Variants in LMX1A observed in about 807,000 individuals in gnomAD.
LMX1A encodes LIM homeobox transcription factor 1 alpha, also known as LIM homeobox transcription factor 1-alpha.
LMX1A carries 15 observed loss-of-function variants against 49.1 expected under a neutral mutation model. The observed-to-expected ratio is 0.31, with a 90% CI of 0.20 to 0.47. The LOEUF (loss-of-function observed/expected upper bound fraction) is 0.47, where lower values mean the gene tolerates loss of function less well. Among genes scored for constraint, LMX1A ranks in the 20% least tolerant of loss-of-function variants. The pLI is 1.00. For missense variants in LMX1A, 372 were observed against 475.8 expected, an observed-to-expected ratio of 0.78 and a Z score of 2.03; for synonymous variants, 167 against 185.7, an observed-to-expected ratio of 0.90 and a Z score of 0.82.
chr1:165,305,159 C>T (rs1035933504), intron 3 of LMX1A, among the ~76,000 whole-genome samples: 2 of 152,152 alleles, frequency 1.3e-5, no homozygotes, highest in African/African-American at 4.8e-5. Flanking sequence ...AAAGGAAACA[C>T]AGAAAGGAAG....
intron 3 of LMX1A, among the ~76,000 whole-genome samples, chr1:165,294,493 G>A (rs1026501731): frequency 2.0e-5 from 3 of 152,160 alleles, no homozygotes; most frequent in Non-Finnish European, 4.4e-5. Context: ...AGCCCCTCTG[G>A]GATGACAATC....
At chr1:165,240,856 C>T (rs1652625898) in intron 4 of LMX1A, among the ~76,000 whole-genome samples, 1 of 152,202 alleles carries the variant, frequency 6.6e-6, no homozygotes, top group African/African-American at 2.4e-5. Flanking sequence ...CAGAGAGCTC[C>T]ATCCCCAGGA....
chr1:165,239,155 C>T (rs1031273981), intron 4 of LMX1A, among the ~76,000 whole-genome samples: 1 of 152,178 alleles, frequency 6.6e-6, no homozygotes, highest in African/African-American at 2.4e-5. Context: ...ACACAGATAA[C>T]ACACTATTGC....
intron 3 of LMX1A, among the ~76,000 whole-genome samples, chr1:165,337,846 C>T (rs554161911): frequency 6.6e-5 from 9 of 137,116 alleles, no homozygotes; most frequent in African/African-American, 2.4e-4. Flanking sequence ...CTCAATTATG[C>T]TAGTGGACAG....
At chr1:165,208,772 G>A (rs1171680000) in intron 6 of LMX1A, among the ~76,000 whole-genome samples, 2 of 151,984 alleles carry the variant, frequency 1.3e-5, no homozygotes, top group South Asian at 2.1e-4. Flanking sequence ...TCAGCCTCCC[G>A]AGTAGGTGGG....
intron 3 of LMX1A, among the ~76,000 whole-genome samples, chr1:165,276,442 T>C (rs1434332731): frequency 6.6e-6 from 1 of 152,156 alleles, no homozygotes; most frequent in African/African-American, 2.4e-5. Flanking sequence ...TAGCTGTAAG[T>C]CCCAGAAAGA....
intron 3 of LMX1A, among the ~76,000 whole-genome samples, chr1:165,275,835 G>A (rs998965037): frequency 2.7e-5 from 3 of 109,762 alleles, no homozygotes; most frequent in Non-Finnish European, 5.8e-5. Context: ...TATGGCGCTG[G>A]GGTGTGTGTG....
chr1:165,307,755 G>A (rs925533526), intron 3 of LMX1A, among the ~76,000 whole-genome samples: 1 of 152,180 alleles, frequency 6.6e-6, no homozygotes, highest in Non-Finnish European at 1.5e-5. Flanking sequence ...TAGGAGCCTG[G>A]ACCACAGGTA....
intron 4 of LMX1A, among the ~76,000 whole-genome samples, chr1:165,229,057 T>C (rs1304766880): frequency 6.6e-6 from 1 of 152,134 alleles, no homozygotes; most frequent in African/African-American, 2.4e-5. Context: ...AAGTGATCTA[T>C]CAGATTTCAT....
At chr1:165,318,296 C>G (rs1165581082) in intron 3 of LMX1A, among the ~76,000 whole-genome samples, 1 of 152,144 alleles carries the variant, frequency 6.6e-6, no homozygotes, top group East Asian at 1.9e-4. Flanking sequence ...AAATCGGAGT[C>G]CTTCCAGGAT....
chr1:165,255,023 C>T (rs945406604), intron 3 of LMX1A, among the ~76,000 whole-genome samples: 1 of 152,234 alleles, frequency 6.6e-6, no homozygotes, highest in African/African-American at 2.4e-5. Flanking sequence ...AGACTAAGCA[C>T]TCAGTGCTGT....
intron 2 of LMX1A, among the ~76,000 whole-genome samples, chr1:165,353,482 G>A (rs954008273): frequency 2.6e-5 from 4 of 152,112 alleles, no homozygotes; most frequent in Non-Finnish European, 4.4e-5. Context: ...AATTCCAAGC[G>A]GGGGAGGGTA....
chr1:165,305,188 T>G (rs1267195402), intron 3 of LMX1A, among the ~76,000 whole-genome samples: 1 of 152,160 alleles, frequency 6.6e-6, no homozygotes, highest in East Asian at 1.9e-4. Context: ...CATGTGCAGT[T>G]GGACTAGTCA....
chr1:165,290,073 G>GAC (rs1295058646), intron 3 of LMX1A, among the ~76,000 whole-genome samples: 2 of 152,194 alleles, frequency 1.3e-5, no homozygotes, highest in African/African-American at 2.4e-5. Context: ...TTGGACCTGA[G>GAC]ACATGAAGCC....
chr1:165,345,535 A>T (rs1656216324), intron 3 of LMX1A, among the ~76,000 whole-genome samples: 1 of 126,786 alleles, frequency 7.9e-6, no homozygotes, highest in Non-Finnish European at 1.8e-5. Flanking sequence ...ACCAAAACAC[A>T]CCCACCTGTA....
chr1:165,219,657 G>C (rs756381340), intron 4 of LMX1A, among the ~76,000 whole-genome samples: 12 of 152,336 alleles, frequency 7.9e-5, no homozygotes, highest in South Asian at 2.1e-4. Flanking sequence ...TGTAGCTACT[G>C]TTTTGAAACT....
chr1:165,209,354 C>A (rs1358847468), intron 6 of LMX1A, among the ~76,000 whole-genome samples: 2 of 152,102 alleles, frequency 1.3e-5, no homozygotes, highest in Non-Finnish European at 2.9e-5. Flanking sequence ...CAGAGTGATA[C>A]CTATGTGAAT....
intron 8 of LMX1A, 96 bp from the exon 9 acceptor site, chr1:165,204,136 C>G (rs1446351442): frequency 2.3e-6 from 3 of 1,327,182 alleles, no homozygotes; most frequent in East Asian, 4.6e-5. Flanking sequence ...GTTGCCTGAG[C>G]ACAGGCTCCA....
At chr1:165,279,447 C>T (rs1466552799) in intron 3 of LMX1A, among the ~76,000 whole-genome samples, 1 of 147,200 alleles carries the variant, frequency 6.8e-6, no homozygotes, top group African/African-American at 2.5e-5. Flanking sequence ...TTCCCTACCA[C>T]AAGGGAACTT....
Sources: gnomAD v4.1 joint callset for allele counts (sites outside exome capture counted in the v4.1 genomes callset) on GRCh38, gnomAD v4.1.1 for gene constraint, MANE v1.5 for transcripts, NCBI Gene and HGNC (gene_info 2026-07-23, HGNC 2026-07-21) for gene names.